The following RBFOX3 variants were observed in gnomAD, a reference collection of about 807,000 sequenced individuals.
RBFOX3 encodes RNA binding fox-1 homolog 3, also known as RNA binding protein fox-1 homolog 3.
A neutral mutation model predicts 48.7 loss-of-function variants in RBFOX3; 17 were observed. The observed-to-expected ratio is 0.35, with a 90% CI of 0.24 to 0.52. The LOEUF (loss-of-function observed/expected upper bound fraction) is 0.52, where lower values mean the gene tolerates loss of function less well. Ranked by LOEUF, RBFOX3 falls within the 20% of genes least tolerant of loss-of-function variation. RBFOX3 has a pLI of 0.94. For synonymous variants in RBFOX3, 212 were observed against 209.5 expected (o/e 1.01, Z -0.10); for missense variants, 382 against 497.5 (o/e 0.77, Z 2.21).
intron 4 of RBFOX3, among the ~76,000 whole-genome samples, chr17:79,151,349 A>C (rs2144819455): frequency 6.9e-6 from 1 of 144,108 alleles, no homozygotes; most frequent in African/African-American, 2.6e-5. Flanking sequence ...GGGTCCAGAC[A>C]CGTTCGGTGT....
At position 79,440,931 on chromosome 17, in the gene RBFOX3, C is replaced by T. The variant is rs114676445; in HGVS notation, c.-175+41523G>A. Among the ~76,000 whole-genome samples, 1,182 of 152,334 alleles carry T rather than the reference C, an allele frequency of 7.8e-3. 21 individuals carry two copies. Among genetic ancestry groups the T allele is most frequent in the African/African-American group, 0.027 (1,110 of 41,576 alleles). On this transcript the variant is annotated intron_variant, in intron 2 of 14. Coordinates refer to ENST00000693108, the MANE Select transcript of RBFOX3 (RefSeq NM_001350451.2). ...GCTCTTTTCAGGCCCAGCCCTCGCACGGTGAGTCGGAACCAGATCAGAGAC... is the reference window on the plus strand; with the variant it reads ...GCTCTTTTCAGGCCCAGCCCTCGCATGGTGAGTCGGAACCAGATCAGAGAC...
chr17:79,479,808 G>A lies in RBFOX3; in HGVS notation c.-175+2646C>T, dbSNP rs1193657634. ...GCAGCAGGAAGTGGCATTTTCAGAG[G>A]AGCATGGGAGATGGTGCTACCGTCA... On this transcript the variant is annotated intron_variant, in intron 2 of 14. Transcript: ENST00000693108. This position sits in a 1 kb window ranked among gnomAD's most constrained non-coding sequence, Gnocchi z 5.1. 2.0e-5 allele frequency among the ~76,000 whole-genome samples: 3 copies of A among 152,212 alleles called. No individual in the cohort carries two copies. The highest frequency in any genetic ancestry group is 2.4e-5 in the African/African-American group (1 of 41,450).
At chr17:79,583,606 G>T (rs1445918275) in intron 1 of RBFOX3, among the ~76,000 whole-genome samples, 1 of 152,204 alleles carries the variant, frequency 6.6e-6, no homozygotes, top group African/African-American at 2.4e-5. Flanking sequence ...GAGAGGGAGA[G>T]GAGGCACTCC....
chr17:79,496,010 G>A (rs776863009), intron 1 of RBFOX3, among the ~76,000 whole-genome samples: 4 of 151,974 alleles, frequency 2.6e-5, no homozygotes, highest in Admixed American at 6.6e-5. Context: ...GATGTTGAAC[G>A]GCCGACATGT....
rs574255191 is a variant in RBFOX3, at chr17:79,114,063, C to T, written c.222+1431G>A. ...TGAGGCTCACCATGAGAGACCCCCT[C>T]GTCTGTCCATAAGGTGGCTGTCAGA... On this transcript the variant is annotated intron_variant, in intron 5 of 14. Transcript: ENST00000693108. 4.6e-5 allele frequency among the ~76,000 whole-genome samples: 7 copies of T among 152,286 alleles called. No homozygotes were observed. The East Asian group carries it at 7.7e-4, about 17-fold the overall frequency.
In RBFOX3 at chr17:79,442,362, GGAGAGAGAGAGAGA is replaced by G. The variant is rs1188141711; in HGVS notation, c.-175+40078_-175+40091del. On this transcript the variant is annotated intron_variant, in intron 2 of 14. Coordinates refer to ENST00000693108, the MANE Select transcript of RBFOX3 (RefSeq NM_001350451.2). ...GAGGGAGGGAGGGAGGAAGAGGGGGGGAGAGAGAGAGAGAGAGAGAGAGAGAGAGAGAGAGAGAG... is the reference window on the plus strand; with the variant it reads ...GAGGGAGGGAGGGAGGAAGAGGGGGGGAGAGAGAGAGAGAGAGAGAGAGAG... Among the ~76,000 whole-genome samples, 70 of 7,448 alleles carry G rather than the reference GGAGAGAGAGAGAGA, an allele frequency of 9.4e-3. 10 individuals are homozygous for G. Among genetic ancestry groups the G allele is most frequent in the Non-Finnish European group, 0.014 (54 of 3,856 alleles). 4.9% of individuals were successfully genotyped at this position (7,448 alleles called of 152,430 possible).
intron 6 of RBFOX3, 133 bp downstream of exon 6, chr17:79,106,518 C>T (rs979400056): frequency 4.2e-5 from 50 of 1,199,486 alleles, no homozygotes; most frequent in Middle Eastern, 2.9e-4. Context: ...CCTGGGGCCC[C>T]GGAGGCTCCC....
rs191782344 is a variant in RBFOX3 at position 79,309,952 on chromosome 17, C to T, written c.-174-2128G>A. Reference sequence around the variant, plus strand: ...ACCCAGTCTCAGGTAGTTCTTTATACCCCACAGTCATAAAGTAGTGCCATC... The same window carrying T: ...ACCCAGTCTCAGGTAGTTCTTTATATCCCACAGTCATAAAGTAGTGCCATC... On this transcript the variant is annotated intron_variant, in intron 2 of 14. Transcript: ENST00000693108. Among the ~76,000 whole-genome samples, 179 of 152,310 alleles carry T rather than the reference C, an allele frequency of 1.2e-3. 1 individual carries two copies. Among genetic ancestry groups the T allele is most frequent in the African/African-American group, 4.2e-3 (174 of 41,560 alleles).
At chr17:79,631,770 C>T in the RBFOX3 span, among the ~76,000 whole-genome samples, 4 of 152,206 alleles carry the variant, frequency 2.6e-5, no homozygotes, top group Admixed American at 2.0e-4. Flanking sequence ...CCCATCTTCA[C>T]GGGCCTAGCT....
intron 14 of RBFOX3, chr17:79,092,228 G>A: frequency 1.0e-6 from 1 of 985,524 alleles, no homozygotes; most frequent in African/African-American, 1.7e-5. Context: ...TGCCCTCATA[G>A]GGCGCTACCG....
intron 11 of RBFOX3, 102 bp from the exon 12 acceptor site, chr17:79,096,935 C>T: frequency 1.2e-5 from 7 of 607,636 alleles, no homozygotes; most frequent in Non-Finnish European, 1.5e-5. Flanking sequence ...GCTGTGCCCC[C>T]CACCCCTTTA....
intron 1 of RBFOX3, among the ~76,000 whole-genome samples, chr17:79,566,349 C>T (rs924800202): frequency 3.9e-5 from 6 of 152,324 alleles, no homozygotes; most frequent in South Asian, 4.1e-4. Context: ...AAGCGGCCAG[C>T]GCTAAAGAGC....
intron 3 of RBFOX3, among the ~76,000 whole-genome samples, chr17:79,266,046 C>T (rs573247986): frequency 7.2e-5 from 11 of 152,380 alleles, no homozygotes; most frequent in African/African-American, 2.4e-4. Flanking sequence ...GCTGCTCACC[C>T]GGACCGGGCA....
chr17:79,097,318 G>T lies in RBFOX3; in HGVS notation c.729C>A (p.Pro243=). The T allele has an allele frequency of 6.5e-7, 1 of 1,545,808 alleles. No individual in the cohort carries two copies. Among genetic ancestry groups the T allele is most frequent in the Non-Finnish European group, 8.7e-7 (1 of 1,144,088 alleles). Residue 243 remains proline, a synonymous_variant, in exon 11 of 15, where the codon CCC becomes CCA. Transcript: ENST00000693108. ...AVYNTFRAAP[P]PPPIPTYGAA... ...CTCCGTAAGTCGGGATGGGGGGTGG[G>T]GGTGGCGCAGCCCGAAATGTATTAT... is the stretch of plus-strand genomic sequence containing the variant.
chr17:79,410,884 G>T (rs1244929446), intron 2 of RBFOX3, among the ~76,000 whole-genome samples: 1 of 152,142 alleles, frequency 6.6e-6, no homozygotes, highest in Non-Finnish European at 1.5e-5. Context: ...CTCACCTGTG[G>T]CACCAGCAGG....
chr17:79,096,392 C>T (rs1016104616), intron 12 of RBFOX3, among the ~76,000 whole-genome samples: 2 of 152,190 alleles, frequency 1.3e-5, no homozygotes, highest in African/African-American at 4.8e-5. Flanking sequence ...GCCTTGCCCA[C>T]AGGAAGATGG....
intron 1 of RBFOX3, among the ~76,000 whole-genome samples, chr17:79,489,197 G>A (rs2080108539): frequency 1.4e-5 from 2 of 142,380 alleles, no homozygotes; most frequent in South Asian, 4.4e-4. Flanking sequence ...TCATTTTATT[G>A]CAGAGAGCGG....
chr17:79,501,864 G>A (rs1205896582), intron 1 of RBFOX3, among the ~76,000 whole-genome samples: 1 of 152,204 alleles, frequency 6.6e-6, no homozygotes, highest in Non-Finnish European at 1.5e-5. Context: ...GAGGGAAAAC[G>A]GGGGAGATAT....
intron 4 of RBFOX3, among the ~76,000 whole-genome samples, chr17:79,145,718 G>C (rs868447122): frequency 6.6e-6 from 1 of 152,346 alleles, no homozygotes; most frequent in Middle Eastern, 3.4e-3. Flanking sequence ...GTTCGGCAAA[G>C]TGAGTGCATA....
Sources: gnomAD v4.1 joint callset for allele counts (sites outside exome capture counted in the v4.1 genomes callset) on GRCh38, gnomAD v4.1.1 for gene constraint, Gnocchi (gnomAD v3.1) non-coding constraint, MANE v1.5 for transcripts, NCBI Gene and HGNC (gene_info 2026-07-23, HGNC 2026-07-21) for gene names.